LARS2: variants seen among roughly 807,000 people sequenced by gnomAD.
LARS2 encodes the protein leucine--tRNA ligase, mitochondrial.
In LARS2, 81 loss-of-function variants were observed where a neutral mutation model predicts 116.6. The ratio of observed to expected loss-of-function variants is 0.69; its 90% confidence interval spans 0.58 to 0.84. The LOEUF is 0.84. Among genes scored for constraint, LARS2 ranks in the 40% least tolerant of loss-of-function variants. LARS2 has a pLI of 0.00. For synonymous variants in LARS2, 396 were observed against 407.2 expected (o/e 0.97, Z 0.33); for missense variants, 968 against 1,114.5 (o/e 0.87, Z 1.87).
intron 20 of LARS2, among the ~76,000 whole-genome samples, chr3:45,527,402 A>T (rs1700546835): frequency 6.6e-6 from 1 of 152,148 alleles, no homozygotes; most frequent in Non-Finnish European, 1.5e-5. Context: ...AGGCAGGTGG[A>T]TCATGAGGTC....
intron 14 of LARS2, among the ~76,000 whole-genome samples, 166 bp from the exon 15 acceptor site, chr3:45,500,276 A>G (rs1700096658): frequency 6.6e-6 from 1 of 152,220 alleles, no homozygotes; most frequent in Non-Finnish European, 1.5e-5. Context: ...TGCTGGGATG[A>G]CAGGCATGAG....
intron 16 of LARS2, among the ~76,000 whole-genome samples, chr3:45,514,843 T>C (rs1575306673): frequency 6.6e-6 from 1 of 152,364 alleles, no homozygotes; most frequent in East Asian, 1.9e-4. Flanking sequence ...TCCCTGAGTC[T>C]CACCACAGCG....
At chr3:45,455,562 G>A (rs190886548) in intron 7 of LARS2, among the ~76,000 whole-genome samples, 2 of 152,104 alleles carry the variant, frequency 1.3e-5, no homozygotes, top group African/African-American at 4.8e-5. Flanking sequence ...AATTGCTATA[G>A]CCATTATGGA....
chr3:45,396,585 C>A (rs998787553), intron 3 of LARS2, among the ~76,000 whole-genome samples: 5 of 152,158 alleles, frequency 3.3e-5, no homozygotes, highest in African/African-American at 1.2e-4. Context: ...GAAATCCACT[C>A]ACATAAGTTT....
chr3:45,511,538 A>G (rs1324606270), intron 15 of LARS2, among the ~76,000 whole-genome samples: 1 of 151,882 alleles, frequency 6.6e-6, no homozygotes, highest in Admixed American at 6.6e-5. Flanking sequence ...TAGGACTTAC[A>G]CTTTTCAATA....
intron 21 of LARS2, 93 bp downstream of exon 21, chr3:45,542,049 G>T: frequency 6.7e-7 from 1 of 1,489,146 alleles, no homozygotes; most frequent in Non-Finnish European, 9.2e-7. Context: ...CTATTAGCAG[G>T]CCTTTCTAGC....
At chr3:45,478,966 A>G (rs1699656982) in intron 10 of LARS2, among the ~76,000 whole-genome samples, 1 of 152,044 alleles carries the variant, frequency 6.6e-6, no homozygotes, top group Non-Finnish European at 1.5e-5. Flanking sequence ...CACTGCTGTC[A>G]TTTACCATTG....
chr3:45,398,952 G>A (rs1698096869), intron 3 of LARS2, among the ~76,000 whole-genome samples: 1 of 152,130 alleles, frequency 6.6e-6, no homozygotes, highest in Non-Finnish European at 1.5e-5. Context: ...CACTCATGAC[G>A]ACATTCATCA....
At chr3:45,512,464 A>T (rs2125750159) in intron 15 of LARS2, among the ~76,000 whole-genome samples, 1 of 152,356 alleles carries the variant, frequency 6.6e-6, no homozygotes, top group Non-Finnish European at 1.5e-5. Context: ...TTTACCCAGT[A>T]AGGGTATAAC....
chr3:45,497,778 G>A (rs550384081), intron 14 of LARS2, among the ~76,000 whole-genome samples: 46 of 152,156 alleles, frequency 3.0e-4, no homozygotes, highest in Admixed American at 5.9e-4. Context: ...ACGGTGGCAC[G>A]CACCTGTAAT....
At chr3:45,403,593 T>C (rs1442584153) in intron 4 of LARS2, among the ~76,000 whole-genome samples, 1 of 152,170 alleles carries the variant, frequency 6.6e-6, no homozygotes, top group African/African-American at 2.4e-5. Context: ...TTATAGCAAC[T>C]GTACATTTAT....
intron 6 of LARS2, among the ~76,000 whole-genome samples, chr3:45,436,793 T>TC (rs1698815336): frequency 1.9e-5 from 2 of 106,228 alleles, no homozygotes; most frequent in Non-Finnish European, 4.1e-5. Flanking sequence ...AGAGCGAGAC[T>TC]CGTCTCAAAA....
chr3:45,465,592 G>A (rs1160474135), intron 8 of LARS2, among the ~76,000 whole-genome samples: 2 of 152,228 alleles, frequency 1.3e-5, no homozygotes, highest in Admixed American at 1.3e-4. Context: ...GCCAAGGCGA[G>A]ATGCTGGGAG....
intron 21 of LARS2, among the ~76,000 whole-genome samples, chr3:45,543,099 C>T (rs1327146366): frequency 1.3e-5 from 2 of 152,210 alleles, no homozygotes; most frequent in South Asian, 2.1e-4. Context: ...TTCACAGCCC[C>T]TTTGTCTCTG....
chr3:45,487,778 G>GAA (rs57888794), intron 11 of LARS2, among the ~76,000 whole-genome samples: 21 of 151,016 alleles, frequency 1.4e-4, no homozygotes, highest in South Asian at 2.1e-4. Flanking sequence ...GGGGGGAAAA[G>GAA]AAAAAAAAAC....
At chr3:45,469,216 G>A (rs770496411) in intron 8 of LARS2, among the ~76,000 whole-genome samples, 11 of 152,194 alleles carry the variant, frequency 7.2e-5, no homozygotes, top group Non-Finnish European at 1.6e-4. Context: ...AATGGATTTT[G>A]CTTGGAATAC....
chr3:45,430,670 C>T (rs1469695805), intron 6 of LARS2, among the ~76,000 whole-genome samples: 9 of 142,376 alleles, frequency 6.3e-5, no homozygotes, highest in South Asian at 2.3e-4. Flanking sequence ...CTGCGAGCTT[C>T]GCCTCCCGAG....
chr3:45,540,748 C>CTGTCTGTCGAT (rs1360819383), intron 20 of LARS2, among the ~76,000 whole-genome samples: 1 of 51,662 alleles, frequency 1.9e-5, no homozygotes, highest in African/African-American at 7.3e-5. Context: ...ATCTATCTGT[C>CTGTCTGTCGAT]TATCTATCTA....
At chr3:45,412,501 C>A (rs534320983) in intron 4 of LARS2, among the ~76,000 whole-genome samples, 2 of 152,122 alleles carry the variant, frequency 1.3e-5, no homozygotes, top group Non-Finnish European at 2.9e-5. Flanking sequence ...TAAACTTTGC[C>A]TTTATTTATC....
Sources: allele counts gnomAD v4.1 joint callset (sites outside exome capture counted in the v4.1 genomes callset), GRCh38; gene constraint gnomAD v4.1.1; transcripts MANE v1.5; gene names NCBI Gene and HGNC (gene_info 2026-07-23, HGNC 2026-07-21).